The following SMAP1 variants were observed in gnomAD, a reference collection of about 807,000 sequenced individuals.
SMAP1 encodes the protein stromal membrane-associated protein 1.
Under a neutral mutation model 58.5 loss-of-function variants are expected in SMAP1, and 24 were observed. The observed-to-expected ratio is 0.41, with a 90% CI of 0.30 to 0.58. The LOEUF is 0.58. SMAP1 is among the 20% of genes least tolerant of loss of function. The probability of loss-of-function intolerance (pLI) is 0.29; values close to 1 mark genes in which losing one functional copy is unlikely to be tolerated. For synonymous variants in SMAP1, 216 were observed against 196.6 expected, an observed-to-expected ratio of 1.10 and a Z score of -0.82; for missense variants, 563 against 566.3, an observed-to-expected ratio of 0.99 and a Z score of 0.06.
chr6:70,770,537 G>A (rs890944403), intron 3 of SMAP1, among the ~76,000 whole-genome samples: 5 of 152,074 alleles, frequency 3.3e-5, no homozygotes, highest in African/African-American at 1.2e-4. Flanking sequence ...CCAGTTGATT[G>A]CATCGGCTCC....
intron 1 of SMAP1, among the ~76,000 whole-genome samples, chr6:70,720,880 G>A (rs1197406773): frequency 6.6e-6 from 1 of 152,162 alleles, no homozygotes; most frequent in Non-Finnish European, 1.5e-5. Flanking sequence ...CACCTGTGAT[G>A]GGAGGGGCTG....
chr6:70,784,511 A>T (rs1302172556), intron 4 of SMAP1, among the ~76,000 whole-genome samples: 8 of 152,168 alleles, frequency 5.3e-5, no homozygotes, highest in African/African-American at 1.7e-4. Context: ...GACTGGCAAA[A>T]TGGATAAAGA....
chr6:70,771,024 T>A (rs895100560), intron 3 of SMAP1, among the ~76,000 whole-genome samples: 7 of 152,202 alleles, frequency 4.6e-5, no homozygotes, highest in African/African-American at 1.7e-4. Flanking sequence ...CTCCAGACCC[T>A]GTTTGCCTGG....
intron 1 of SMAP1, among the ~76,000 whole-genome samples, chr6:70,690,093 G>A (rs1363220346): frequency 1.3e-5 from 2 of 152,016 alleles, no homozygotes; most frequent in African/African-American, 4.8e-5. Flanking sequence ...AAAAATAGAA[G>A]TGGTGAAACT....
intron 6 of SMAP1, among the ~76,000 whole-genome samples, chr6:70,822,134 A>G (rs1294192423): frequency 1.3e-5 from 2 of 152,138 alleles, no homozygotes; most frequent in African/African-American, 4.8e-5. Flanking sequence ...CTGAATATAT[A>G]CACTTTGATA....
chr6:70,722,117 C>T (rs930431441), intron 1 of SMAP1, among the ~76,000 whole-genome samples: 1 of 152,210 alleles, frequency 6.6e-6, no homozygotes. Flanking sequence ...TTGTCAAGCT[C>T]TACAAGTACT....
chr6:70,747,713 A>G (rs565735633), intron 2 of SMAP1, among the ~76,000 whole-genome samples: 1 of 152,296 alleles, frequency 6.6e-6, no homozygotes, highest in South Asian at 2.1e-4. Context: ...TTTAAGTGGT[A>G]TGGATATTAT....
intron 6 of SMAP1, among the ~76,000 whole-genome samples, chr6:70,817,178 C>G (rs1191050646): frequency 1.3e-5 from 2 of 150,514 alleles, no homozygotes; most frequent in Non-Finnish European, 3.0e-5. Flanking sequence ...AACTACTAAC[C>G]CTGCTCAAGC....
At chr6:70,831,944 T>G (rs1193776822) in intron 6 of SMAP1, among the ~76,000 whole-genome samples, 1 of 152,194 alleles carries the variant, frequency 6.6e-6, no homozygotes, top group Non-Finnish European at 1.5e-5. Context: ...TTTTAAATTT[T>G]TTTAATGATA....
intron 5 of SMAP1, 105 bp downstream of exon 5, chr6:70,791,874 G>C (rs1768378227): frequency 1.1e-6 from 1 of 892,242 alleles, no homozygotes; most frequent in Admixed American, 2.6e-5. Context: ...TTGATATTTT[G>C]AATGATCCCT....
rs144032478 is a variant in SMAP1 at position 70,704,639 on chromosome 6, A to G, written c.119-27739A>G. Among the ~76,000 whole-genome samples the G allele has an allele frequency of 1.8e-4, 28 of 152,334 alleles. No individual in the cohort carries two copies. In the East Asian group the frequency reaches 3.3e-3, roughly 18 times the overall value. On this transcript the variant is annotated intron_variant, in intron 1 of 10. Coordinates refer to ENST00000370455, the MANE Select transcript of SMAP1 (RefSeq NM_001044305.3). ...AGTTTATTCTTCCTGCTAAAATGCA[A>G]ACAAGGCTAATATATTCCACAGTTG...
chr6:70,680,712 GTTTTTTTTTTTTT>G (rs34867967), intron 1 of SMAP1, among the ~76,000 whole-genome samples: 1 of 78,998 alleles, frequency 1.3e-5, no homozygotes, highest in Non-Finnish European at 2.2e-5. Flanking sequence ...TGGATTTCCT[GTTTTTTTTTTTTT>G]TTTTTTTTTT....
At chr6:70,819,978 C>T (rs1233263193) in intron 6 of SMAP1, among the ~76,000 whole-genome samples, 2 of 152,228 alleles carry the variant, frequency 1.3e-5, no homozygotes, top group East Asian at 1.9e-4. Flanking sequence ...TGGCTTCAGT[C>T]CCACTGTCTG....
intron 6 of SMAP1, among the ~76,000 whole-genome samples, chr6:70,801,897 A>G (rs1252688563): frequency 6.6e-6 from 1 of 152,218 alleles, no homozygotes; most frequent in Non-Finnish European, 1.5e-5. Flanking sequence ...TACCAGCAAC[A>G]TGCTGTTTTG....
At chr6:70,824,022 T>TC (rs1173896569) in intron 6 of SMAP1, among the ~76,000 whole-genome samples, 1 of 152,108 alleles carries the variant, frequency 6.6e-6, no homozygotes, top group African/African-American at 2.4e-5. Context: ...CTCCAGCAGT[T>TC]CATCAATTAC....
chr6:70,835,251 CAAAAAAAAAAAAAA>C (rs778677881), intron 6 of SMAP1, among the ~76,000 whole-genome samples: 1 of 57,950 alleles, frequency 1.7e-5, no homozygotes, highest in Non-Finnish European at 3.5e-5. Context: ...GACTCCGTCT[CAAAAAAAAAAAAAA>C]AAAAAAAAGA....
At chr6:70,773,572 G>A (rs1415396887) in intron 4 of SMAP1, 147 bp downstream of exon 4, 1 of 507,126 alleles carries the variant, frequency 2.0e-6, no homozygotes, top group Admixed American at 4.2e-5. Flanking sequence ...GTTATATAAT[G>A]TTGAGCTCTT....
At position 70,860,349 on chromosome 6, in the gene SMAP1, G is replaced by C; in HGVS notation, c.*15G>C. ...TGTGGAAATGAAAACTGCAATACAA[G>C]TTTCATCCAGAACTACCACCTGACA... On this transcript the variant is annotated 3_prime_UTR_variant, in exon 11 of 11. Transcript: ENST00000370455. 3 of 1,598,988 alleles carry C rather than the reference G, an allele frequency of 1.9e-6. No individual in the cohort carries two copies. The highest frequency in any genetic ancestry group is 2.6e-6 in the Non-Finnish European group (3 of 1,173,392).
At chr6:70,757,747 C>G (rs1766560488) in intron 3 of SMAP1, among the ~76,000 whole-genome samples, 1 of 152,218 alleles carries the variant, frequency 6.6e-6, no homozygotes, top group South Asian at 2.1e-4. Flanking sequence ...GACATCTATG[C>G]AGCCAAAAAA....
Sources: allele counts gnomAD v4.1 joint callset (sites outside exome capture counted in the v4.1 genomes callset), GRCh38; gene constraint gnomAD v4.1.1; transcripts MANE v1.5; gene names NCBI Gene and HGNC (gene_info 2026-07-23, HGNC 2026-07-21).